Variants in FOXP1 observed in about 807,000 individuals in gnomAD.
The protein encoded by FOXP1 is forkhead box P1, also known as forkhead box protein P1.
A neutral mutation model predicts 98.2 loss-of-function variants in FOXP1; 15 were observed. That is an observed-to-expected ratio of 0.15 (90% CI 0.10 to 0.24). FOXP1 has a LOEUF of 0.24. FOXP1 is among the 10% of genes least tolerant of loss of function. The probability of loss-of-function intolerance (pLI) is 1.00; values close to 1 mark genes in which losing one functional copy is unlikely to be tolerated. For synonymous variants in FOXP1, 371 were observed against 314.5 expected (o/e 1.18, Z -1.90); for missense variants, 633 against 848.5 (o/e 0.75, Z 3.15).
chr3:71,065,360 C>G (rs1315538051), intron 7 of FOXP1, among the ~76,000 whole-genome samples: 1 of 152,150 alleles, frequency 6.6e-6, no homozygotes, highest in Non-Finnish European at 1.5e-5. Flanking sequence ...AAGAGGGGCA[C>G]CCGGCGCTCG....
At chr3:71,409,252 C>G (rs898005147) in intron 3 of FOXP1, among the ~76,000 whole-genome samples, 12 of 152,132 alleles carry the variant, frequency 7.9e-5, no homozygotes, top group Admixed American at 7.2e-4. Context: ...TTTATTTCCT[C>G]CATACCACTT....
At chr3:71,354,081 C>T (rs1395113596) in intron 4 of FOXP1, among the ~76,000 whole-genome samples, 5 of 149,196 alleles carry the variant, frequency 3.4e-5, no homozygotes, top group South Asian at 2.1e-4. Context: ...CTGAGATGAG[C>T]GGATCACAAG....
Position 70,972,549 on chromosome 3 carries a change from A to G in FOXP1, c.1652+6T>C, listed in dbSNP as rs2107195733. On this transcript the variant is annotated splice_donor_region_variant and intron_variant, in intron 18 of 20. Coordinates refer to ENST00000649528, the MANE Select transcript of FOXP1 (RefSeq NM_001349338.3). The stretch of plus-strand genomic sequence containing the variant: ...AGGCTAAGAAGTTCAAACATGGTGG[A>G]CGTACCCACTGATCTTTTGTGGCCT... The G allele has an allele frequency of 6.2e-7, 1 of 1,614,222 alleles. No individual in the cohort carries two copies. The highest frequency in any genetic ancestry group is 2.2e-5 in the East Asian group (1 of 44,886).
chr3:70,993,676 T>C (rs2040941363), intron 13 of FOXP1, among the ~76,000 whole-genome samples: 1 of 152,172 alleles, frequency 6.6e-6, no homozygotes, highest in South Asian at 2.1e-4. Context: ...AAGACATATA[T>C]TGATTTCCAA....
At chr3:71,579,626 T>C (rs899353725) in intron 2 of FOXP1, among the ~76,000 whole-genome samples, 1 of 107,994 alleles carries the variant, frequency 9.3e-6, no homozygotes, top group African/African-American at 3.7e-5. Context: ...CTTTTTTTTC[T>C]TTTTTCTTTT....
intron 19 of FOXP1, 142 bp downstream of exon 19, chr3:70,970,594 G>C: frequency 2.6e-6 from 2 of 772,906 alleles, no homozygotes; most frequent in South Asian, 2.8e-5. Context: ...TGCCTCCAGG[G>C]AGTATGATGC....
intron 2 of FOXP1, chr3:71,573,642 T>C (rs2047510029): frequency 6.6e-6 from 1 of 152,234 alleles, no homozygotes; most frequent in Non-Finnish European, 1.5e-5. Flanking sequence ...TGCAACAACA[T>C]GCCTGATGGA....
chr3:71,301,052 A>G (rs1185268229), intron 4 of FOXP1, among the ~76,000 whole-genome samples: 1 of 152,186 alleles, frequency 6.6e-6, no homozygotes, highest in Non-Finnish European at 1.5e-5. Context: ...GATTCTTGCC[A>G]TTAAGATTGG....
intron 2 of FOXP1, among the ~76,000 whole-genome samples, chr3:71,555,747 A>C (rs1476568167): frequency 6.6e-6 from 1 of 152,254 alleles, no homozygotes; most frequent in African/African-American, 2.4e-5. Context: ...TAAGCCCTAC[A>C]TTAAAATTTA....
chr3:71,142,948 G>A (rs1182096167), intron 6 of FOXP1, among the ~76,000 whole-genome samples: 1 of 152,070 alleles, frequency 6.6e-6, no homozygotes, highest in Non-Finnish European at 1.5e-5. Context: ...AGAGAGATAA[G>A]GGGGCAGGAA....
At chr3:71,078,139 T>C (rs1158744838) in intron 7 of FOXP1, among the ~76,000 whole-genome samples, 2 of 152,108 alleles carry the variant, frequency 1.3e-5, no homozygotes, top group African/African-American at 2.4e-5. Flanking sequence ...GCCTCCTCTG[T>C]ATATTTTCTC....
intron 7 of FOXP1, among the ~76,000 whole-genome samples, chr3:71,062,240 A>C (rs1193477746): frequency 1.3e-5 from 2 of 152,222 alleles, no homozygotes; most frequent in Admixed American, 1.3e-4. Context: ...GCATGCCTTT[A>C]GATGCATTAT....
At chr3:71,179,653 G>C (rs1266659033) in intron 6 of FOXP1, among the ~76,000 whole-genome samples, 1 of 152,140 alleles carries the variant, frequency 6.6e-6, no homozygotes. Context: ...ATTACTGCTA[G>C]CTCTTTTCTC....
At chr3:71,226,469 C>T (rs1408425040) in intron 5 of FOXP1, among the ~76,000 whole-genome samples, 2 of 106,904 alleles carry the variant, frequency 1.9e-5, no homozygotes, top group Non-Finnish European at 5.0e-5. Context: ...CCTGAAAATG[C>T]CCGTCACCTA....
Position 71,183,568 on chromosome 3 carries a change from C to G in FOXP1, c.180+14634G>C, listed in dbSNP as rs1434327002. Reference sequence around the variant, plus strand: ...GACAATTTACCATGTGGTGTGCAAACTTCCAAGCATGATACATTTTATTTA... The same window carrying G: ...GACAATTTACCATGTGGTGTGCAAAGTTCCAAGCATGATACATTTTATTTA... On this transcript the variant is annotated intron_variant, in intron 6 of 20. Transcript: ENST00000649528. Among the ~76,000 whole-genome samples, 6 of 152,274 alleles carry G rather than the reference C, an allele frequency of 3.9e-5. No individual in the cohort carries two copies. In the East Asian group the frequency reaches 1.2e-3, roughly 29 times the overall value.
At chr3:71,038,140 G>C (rs1488960336) in intron 11 of FOXP1, among the ~76,000 whole-genome samples, 1 of 152,176 alleles carries the variant, frequency 6.6e-6, no homozygotes, top group African/African-American at 2.4e-5. Context: ...GGGGGAGAAG[G>C]AGTTTTCCAA....
intron 4 of FOXP1, among the ~76,000 whole-genome samples, chr3:71,307,942 C>T (rs2074392012): frequency 6.6e-6 from 1 of 152,150 alleles, no homozygotes; most frequent in Admixed American, 6.5e-5. Flanking sequence ...AGACGACAAT[C>T]CAGGTAAGGG....
At chr3:71,079,225 T>C (rs2054150152) in intron 7 of FOXP1, among the ~76,000 whole-genome samples, 1 of 152,102 alleles carries the variant, frequency 6.6e-6, no homozygotes, top group Admixed American at 6.5e-5. Flanking sequence ...CTCATTATTC[T>C]ATTAATACAG....
rs188187773 is a variant in FOXP1 at position 71,380,734 on chromosome 3, T to C, written c.-167-21490A>G. ...TTTTTTTTTTTGCAAAACAATCTTA[T>C]GGTATTGTGTTTGCCTCTCATTACT... On this transcript the variant is annotated intron_variant, in intron 3 of 20. Transcript: ENST00000649528. Among the ~76,000 whole-genome samples, 68 of 148,066 alleles carry C rather than the reference T, an allele frequency of 4.6e-4. 1 individual carries two copies. Among genetic ancestry groups the C allele is most frequent in the Non-Finnish European group, 4.2e-4 (28 of 67,278 alleles).
Sources: allele counts gnomAD v4.1 joint callset (sites outside exome capture counted in the v4.1 genomes callset), GRCh38; gene constraint gnomAD v4.1.1; transcripts MANE v1.5; gene names NCBI Gene and HGNC (gene_info 2026-07-23, HGNC 2026-07-21).